Variants in DEDD2 observed in about 807,000 individuals in gnomAD.
The protein encoded by DEDD2 is death effector domain containing 2.
A neutral mutation model predicts 28.9 loss-of-function variants in DEDD2; 18 were observed. The observed-to-expected ratio is 0.62, with a 90% CI of 0.43 to 0.92. The LOEUF (loss-of-function observed/expected upper bound fraction) is 0.92. DEDD2 is among the 40% of genes least tolerant of loss of function. The probability of loss-of-function intolerance (pLI) is 0.00; values close to 1 mark genes in which losing one functional copy is unlikely to be tolerated. For missense variants in DEDD2, 411 were observed against 463.3 expected, an observed-to-expected ratio of 0.89 and a Z score of 1.04; for synonymous variants, 211 against 206.1, an observed-to-expected ratio of 1.02 and a Z score of -0.20.
intron 3 of DEDD2, 84 bp downstream of exon 3, chr19:42,215,049 T>G: frequency 1.3e-6 from 2 of 1,538,276 alleles, no homozygotes; most frequent in Non-Finnish European, 1.8e-6. Flanking sequence ...TGAGACAGAA[T>G]AACCCCTCAG....
At chr19:42,217,127 C>A in intron 1 of DEDD2, 82 bp from the exon 2 acceptor site, 1 of 1,133,300 alleles carries the variant, frequency 8.8e-7, no homozygotes, top group Non-Finnish European at 1.3e-6. Context: ...TCTCCCCCGC[C>A]CAATCGCGCC....
At chr19:42,211,018 C>G (rs377707509) in intron 3 of DEDD2, among the ~76,000 whole-genome samples, 2 of 146,176 alleles carry the variant, frequency 1.4e-5, no homozygotes. Flanking sequence ...TGCAGTGAGC[C>G]GAGATTGTGC....
intron 3 of DEDD2, among the ~76,000 whole-genome samples, chr19:42,213,579 C>T (rs532729429): frequency 7.2e-4 from 110 of 152,242 alleles, no homozygotes; most frequent in African/African-American, 2.6e-3. Context: ...ATTATTCCTG[C>T]TAAAGATGTA....
intron 1 of DEDD2, 32 bp from the exon 2 acceptor site, chr19:42,217,077 G>T (rs1020575629): frequency 1.7e-5 from 25 of 1,470,722 alleles, no homozygotes; most frequent in Non-Finnish European, 2.2e-5. Context: ...GGGGGCAGTG[G>T]TCAGCGACGC....
chr19:42,203,850 A>G (rs1026868262), intron 4 of DEDD2, among the ~76,000 whole-genome samples: 3 of 152,096 alleles, frequency 2.0e-5, no homozygotes, highest in African/African-American at 7.2e-5. Context: ...CCAGGATGGG[A>G]GCAGTAGACA....
chr19:42,209,475 G>A (rs1358146563), intron 4 of DEDD2, among the ~76,000 whole-genome samples: 2 of 152,174 alleles, frequency 1.3e-5, no homozygotes, highest in South Asian at 2.1e-4. Context: ...GGGTTGTCAG[G>A]AAAGGCTTCC....
chr19:42,219,110 G>T (rs1038128944), upstream of DEDD2, among the ~76,000 whole-genome samples: 13 of 152,232 alleles, frequency 8.5e-5, no homozygotes, highest in East Asian at 1.9e-4. Flanking sequence ...TTCGAGACCA[G>T]TCTGACCAAC....
Position 42,199,144 on chromosome 19 carries a change from G to C in DEDD2, c.*294C>G, listed in dbSNP as rs1010719037. The stretch of plus-strand genomic sequence containing the variant: ...GATACAATGTGCAGGGGGGCCTTTG[G>C]TGAGTGTGTAGCTGTGCCCCTCCCT... On this transcript the variant is annotated 3_prime_UTR_variant, in exon 5 of 5. Transcript: ENST00000596251. The surrounding 1 kb of genome is among the most constrained non-coding windows in gnomAD (Gnocchi z 7.4). 4 of 451,540 alleles carry C rather than the reference G, an allele frequency of 8.9e-6. No homozygotes were observed. Among genetic ancestry groups the C allele is most frequent in the African/African-American group, 2.0e-5 (1 of 50,770 alleles). 28.0% of individuals were successfully genotyped at this position (451,540 alleles called of 1,614,324 possible). A position where few individuals can be genotyped will look rare whatever the true frequency, so the allele number is the denominator to read the frequency against.
At chr19:42,218,819 G>A (rs961910014), upstream of DEDD2, among the ~76,000 whole-genome samples, 1 of 152,224 alleles carries the variant, frequency 6.6e-6, no homozygotes, top group Non-Finnish European at 1.5e-5. Flanking sequence ...GATCACACGA[G>A]GCCAGGAGTT....
rs996168709 is a variant in DEDD2 at position 42,199,199 on chromosome 19, G to A, written c.*239C>T. 2.2e-5 allele frequency: 13 copies of A among 590,210 alleles called. No individual in the cohort carries two copies. Among genetic ancestry groups the A allele is most frequent in the African/African-American group, 9.3e-5 (5 of 53,790 alleles). 36.6% of individuals were successfully genotyped at this position (590,210 alleles called of 1,614,324 possible). A position where few individuals can be genotyped will look rare whatever the true frequency, so the allele number is the denominator to read the frequency against. On this transcript the variant is annotated 3_prime_UTR_variant, in exon 5 of 5. Coordinates refer to ENST00000596251, the MANE Select transcript of DEDD2 (RefSeq NM_133328.4). This position sits in a 1 kb window ranked among gnomAD's most constrained non-coding sequence, Gnocchi z 7.4. Reference sequence around the variant, plus strand: ...AGATACAGGCCCAGCCCCCGCCTCCGGAGGCTAAGGGGGCACACCTGGGGG... The same window carrying A: ...AGATACAGGCCCAGCCCCCGCCTCCAGAGGCTAAGGGGGCACACCTGGGGG...
chr19:42,204,008 G>A (rs1356804404), intron 4 of DEDD2, among the ~76,000 whole-genome samples: 5 of 152,220 alleles, frequency 3.3e-5, no homozygotes, highest in South Asian at 4.1e-4. Context: ...GGGAGGGTGG[G>A]GGGCAGGTGC....
rs372272526 is a variant in DEDD2 at position 42,209,673 on chromosome 19, G to A, written c.589+27C>T. The A allele has an allele frequency of 3.3e-5, 52 of 1,597,770 alleles. No individual in the cohort carries two copies. The African/African-American group carries it at 6.8e-4, about 21-fold the overall frequency. ...TGAACCCACCCGGGGCACTCTACAT[G>A]CATTGCCAAAGCCTACAGACACCTA... is the stretch of plus-strand genomic sequence containing the variant. On this transcript the variant is annotated intron_variant, in intron 4 of 4. Transcript: ENST00000596251.
At chr19:42,209,546 G>C (rs2035664983) in intron 4 of DEDD2, among the ~76,000 whole-genome samples, 154 bp downstream of exon 4, 1 of 152,198 alleles carries the variant, frequency 6.6e-6, no homozygotes, top group African/African-American at 2.4e-5. Context: ...CAGGCAAGAT[G>C]GCGAGAGAAA....
intron 4 of DEDD2, among the ~76,000 whole-genome samples, chr19:42,204,091 C>A (rs1187256124): frequency 6.6e-6 from 1 of 152,112 alleles, no homozygotes; most frequent in Non-Finnish European, 1.5e-5. Context: ...TTGTCCCCCA[C>A]CCCCACCTCA....
intron 4 of DEDD2, among the ~76,000 whole-genome samples, chr19:42,203,201 C>G (rs942417780): frequency 1.3e-5 from 2 of 152,182 alleles, no homozygotes; most frequent in African/African-American, 4.8e-5. Flanking sequence ...CTGTTGGCTA[C>G]CTCACACAGA....
In DEDD2 at chr19:42,198,923, T is replaced by A. The variant is rs1467463516; in HGVS notation, c.*515A>T. On this transcript the variant is annotated 3_prime_UTR_variant, in exon 5 of 5. Transcript: ENST00000596251. ...GAGCAGGCCCCATGTGCACCCCAGCTCCAGTGCCCACTGATGTGGCTGAAG... is the reference window on the plus strand; with the variant it reads ...GAGCAGGCCCCATGTGCACCCCAGCACCAGTGCCCACTGATGTGGCTGAAG... 5 of 154,632 alleles carry A rather than the reference T, an allele frequency of 3.2e-5. No individual in the cohort carries two copies. The highest frequency in any genetic ancestry group is 1.2e-4 in the African/African-American group (5 of 41,490). The allele number at this position is 154,632 out of a possible 1,614,324, so 9.6% of individuals were successfully genotyped here.
At chr19:42,206,615 C>T (rs773118720) in intron 4 of DEDD2, among the ~76,000 whole-genome samples, 25 of 152,110 alleles carry the variant, frequency 1.6e-4, no homozygotes, top group Non-Finnish European at 3.2e-4. Context: ...AATTCAGGGC[C>T]GAGTAGTGCC....
At position 42,216,651 on chromosome 19, in the gene DEDD2, A is replaced by T. The variant is rs776265296; in HGVS notation, c.328+29T>A. 1.1e-5 allele frequency: 16 copies of T among 1,522,098 alleles called. No individual in the cohort carries two copies. In the Middle Eastern group the frequency reaches 6.8e-4, roughly 65 times the overall value. 94.3% of individuals were successfully genotyped at this position (1,522,098 alleles called of 1,614,324 possible). On this transcript the variant is annotated intron_variant, in intron 2 of 4. Coordinates refer to ENST00000596251, the MANE Select transcript of DEDD2 (RefSeq NM_133328.4). ...GGGAGCCAGGCCCTTTCCTCCCAGG[A>T]AGTGTGACACCCTCCCATTCAACCG...
chr19:42,217,278 G>C (rs932504170), intron 1 of DEDD2, among the ~76,000 whole-genome samples: 1 of 152,106 alleles, frequency 6.6e-6, no homozygotes, highest in African/African-American at 2.4e-5. Flanking sequence ...GCTACGTTCG[G>C]AGCTCGCCTC....
Sources: allele counts gnomAD v4.1 joint callset (sites outside exome capture counted in the v4.1 genomes callset), GRCh38; gene constraint gnomAD v4.1.1; non-coding constraint Gnocchi (gnomAD v3.1); transcripts MANE v1.5; gene names NCBI Gene and HGNC (gene_info 2026-07-23, HGNC 2026-07-21).